The following NBEAL2 variants were observed in gnomAD, a reference collection of about 807,000 sequenced individuals.
The protein encoded by NBEAL2 is neurobeachin like 2, also known as neurobeachin-like protein 2.
NBEAL2 carries 160 observed loss-of-function variants against 299.8 expected under a neutral mutation model. The ratio of observed to expected loss-of-function variants is 0.53; its 90% CI spans 0.47 to 0.61. The LOEUF (loss-of-function observed/expected upper bound fraction) is 0.61. Ranked by LOEUF, NBEAL2 falls within the 20% of genes least tolerant of loss-of-function variation. NBEAL2 has a pLI of 0.00. For synonymous variants in NBEAL2, 1,493 were observed against 1,542.3 expected (o/e 0.97, Z 0.75); for missense variants, 3,112 against 3,649.0 (o/e 0.85, Z 3.79).
rs539834326 is a variant in NBEAL2 at position 46,996,894 on chromosome 3, T to A, written c.2557-60T>A. On this transcript the variant is annotated intron_variant, in intron 17 of 53. Transcript: ENST00000450053. ...TGTGCTACTTCCCCGGCTCCCACAC[T>A]CTGCCTGCCACCCCCTCCTCCCTCT... 1.9e-6 allele frequency: 3 copies of A among 1,608,896 alleles called. No homozygotes were observed. In the South Asian group the frequency reaches 3.3e-5, roughly 18 times the overall value.
At position 46,996,552 on chromosome 3, in the gene NBEAL2, A is replaced by G. The variant is rs1264373268; in HGVS notation, c.2433A>G (p.Glu811=). 2.7e-5 allele frequency: 41 copies of G among 1,542,550 alleles called. No individual in the cohort carries two copies. The highest frequency in any genetic ancestry group is 3.6e-5 in the Non-Finnish European group (41 of 1,142,036). The change falls in exon 16 of 54, where the codon GAA becomes GAG. Residue 811 remains glutamate, a synonymous_variant. Transcript: ENST00000450053. ...GELGAVAIFH[E]ALQATALRTL... is the part of the protein sequence containing the mutation. The stretch of plus-strand genomic sequence containing the variant: ...TGGGGGCTGTGGCCATCTTTCACGA[A>G]GCCCTGCAGGCGACGGCTCTGAGGA...
At position 47,001,837 on chromosome 3, in the gene NBEAL2, G is replaced by A; in HGVS notation, c.4782+11G>A. On this transcript the variant is annotated intron_variant, in intron 30 of 53. Transcript: ENST00000450053. The surrounding 1 kb of genome is among the most constrained non-coding windows in gnomAD (Gnocchi z 6.1). ...CTGGAAGACCCACAGGTGAGCACAG[G>A]GTGAGCATGGGGGCAGGGGGCGTGT... 1 of 1,613,294 alleles carries A rather than the reference G, an allele frequency of 6.2e-7. No individual in the cohort carries two copies. The highest frequency in any genetic ancestry group is 8.5e-7 in the Non-Finnish European group (1 of 1,179,622).
intron 1 of NBEAL2, among the ~76,000 whole-genome samples, chr3:46,985,639 C>T (rs970665116): frequency 2.8e-4 from 43 of 152,270 alleles, no homozygotes; most frequent in African/African-American, 8.9e-4. Flanking sequence ...CCAGGGACAC[C>T]GGCCTTCCAC....
chr3:46,987,599 G>A (rs978266636), intron 1 of NBEAL2, among the ~76,000 whole-genome samples: 12 of 152,184 alleles, frequency 7.9e-5, no homozygotes, highest in African/African-American at 2.2e-4. Context: ...GCGGCGGGGC[G>A]GGACAAAGGT....
rs762542045 is a variant in NBEAL2 at position 46,998,115 on chromosome 3, C to T, written c.3007C>T (p.Leu1003=). 3.2e-6 allele frequency: 5 copies of T among 1,586,706 alleles called. No individual in the cohort carries two copies. The highest frequency in any genetic ancestry group is 4.3e-6 in the Non-Finnish European group (5 of 1,166,444). The change falls in exon 21 of 54, where the codon CTG becomes TTG. Residue 1003 remains leucine (L), a synonymous_variant. Coordinates refer to ENST00000450053, the MANE Select transcript of NBEAL2 (RefSeq NM_015175.3). ...GAACGTGCTCATGTCCGCCCAGCTGCTGATGGAGCAGGTGGCAGCTGAGGG... is the reference window on the plus strand; with the variant it reads ...GAACGTGCTCATGTCCGCCCAGCTGTTGATGGAGCAGGTGGCAGCTGAGGG... The part of the protein sequence containing the change: ...DMNVLMSAQL[L]MEQVAAEGSG...
intron 43 of NBEAL2, 40 bp downstream of exon 43, chr3:47,006,103 A>G (rs374780437): frequency 6.2e-7 from 1 of 1,612,802 alleles, no homozygotes; most frequent in Admixed American, 1.7e-5. Flanking sequence ...CCAGGACAAG[A>G]TCAGGTCGGG....
rs979632620 is a variant in NBEAL2, at chr3:47,000,829, C to T, written c.4306-172C>T. On this transcript the variant is annotated intron_variant, in intron 27 of 53. Coordinates refer to ENST00000450053, the MANE Select transcript of NBEAL2 (RefSeq NM_015175.3). This position sits in a 1 kb window ranked among gnomAD's most constrained non-coding sequence, Gnocchi z 4.5. ...CCTGGAACTCAGGTAGTAGTTGAGA[C>T]CCCTATACCATTCTTCCAGGCCCTT... The T allele has an allele frequency of 2.1e-5, 20 of 973,372 alleles. No homozygotes were observed. The South Asian group carries it at 3.3e-4, about 16-fold the overall frequency. The allele number at this position is 973,372 out of a possible 1,614,324, so 60.3% of individuals were successfully genotyped here. A position where few individuals can be genotyped will look rare whatever the true frequency, so the allele number is the denominator to read the frequency against.
intron 20 of NBEAL2, 84 bp from the exon 21 acceptor site, chr3:46,997,983 G>A: frequency 2.1e-6 from 3 of 1,451,120 alleles, no homozygotes; most frequent in South Asian, 2.7e-5. Context: ...CGTCATGGCT[G>A]TGCAGGGAAG....
intron 16 of NBEAL2, 56 bp downstream of exon 16, chr3:46,996,648 G>T: frequency 6.6e-7 from 1 of 1,523,590 alleles, no homozygotes; most frequent in Non-Finnish European, 8.8e-7. Flanking sequence ...AGGGGTCCGG[G>T]GGGAGAAGGC....
rs750217586 is a variant in NBEAL2 at position 47,005,189 on chromosome 3, G to A, written c.6428G>A (p.Ser2143Asn). The A allele has an allele frequency of 3.1e-6, 5 of 1,613,836 alleles. No individual in the cohort carries two copies. The highest frequency in any genetic ancestry group is 1.7e-5 in the Admixed American group (1 of 60,034). Residue 2143 changes from serine (S) to asparagine (N), a missense_variant, in exon 40 of 54, where the codon AGC becomes AAC. Transcript: ENST00000450053. The stretch of plus-strand genomic sequence containing the variant: ...TCCAACTGTGGCCCCAGGTATGAAA[G>A]CTTTGAGGACCCAGCAGGGACCATT... Reference protein sequence around the residue: ...HAQLVREKYESFEDPAGTIDK... With the variant: ...HAQLVREKYENFEDPAGTIDK...
chr3:47,008,847 T>C (rs1006866169), intron 52 of NBEAL2, 142 bp from the exon 53 acceptor site: 11 of 1,445,950 alleles, frequency 7.6e-6, no homozygotes, highest in Non-Finnish European at 1.0e-5. Flanking sequence ...GCCACAGTTG[T>C]GGGAGATTTC....
At position 47,006,403 on chromosome 3, in the gene NBEAL2, C is replaced by T. The variant is rs920797999; in HGVS notation, c.7088C>T (p.Pro2363Leu). Residue 2363 changes from proline (P) to leucine (L), a missense_variant, in exon 45 of 54, where the codon CCT becomes CTT. Physicochemically the swap from Pro to Leu is moderately conservative, Grantham distance 98. Around this residue, in one of 3 missense-constraint regions of NBEAL2, gnomAD observed 521 missense variants for 729.6 expected, o/e 0.71. Transcript: ENST00000450053. ...HRLARLDTNS[P>L]SIFQHLDELK... ...CTTGCACGCCTGGACACTAACTCAC[C>T]TAGCATCTTCCAGCACCTGGACGAA... 2.5e-6 allele frequency: 4 copies of T among 1,594,752 alleles called. No homozygotes were observed. In the African/African-American group the frequency reaches 5.4e-5, roughly 21 times the overall value.
Position 46,999,641 on chromosome 3 carries a change from C to T in NBEAL2, c.3715C>T (p.Leu1239Phe). The change falls in exon 26 of 54, where the codon CTC (leucine) becomes TTC (phenylalanine). Residue 1239 changes from leucine (L) to phenylalanine (F), a missense_variant. Transcript: ENST00000450053. Reference protein sequence around the residue: ...KLFLGADCLNLSDLLAVVQLS... With the variant: ...KLFLGADCLNFSDLLAVVQLS... Reference sequence around the variant, plus strand: ...ACCCATCCCCCCAGATTGCCTGAACCTCTCAGATCTGCTGGCTGTGGTACA... The same window carrying T: ...ACCCATCCCCCCAGATTGCCTGAACTTCTCAGATCTGCTGGCTGTGGTACA... The T allele has an allele frequency of 1.9e-6, 3 of 1,611,972 alleles. No homozygotes were observed. The highest frequency in any genetic ancestry group is 2.2e-5 in the South Asian group (2 of 91,032).
chr3:47,001,827 G>A lies in NBEAL2; in HGVS notation c.4782+1G>A. ...CTACATCCTGCTGGAAGACCCACAG[G>A]TGAGCACAGGGTGAGCATGGGGGCA... On this transcript the variant is annotated splice_donor_variant, in intron 30 of 53. Coordinates refer to ENST00000450053, the MANE Select transcript of NBEAL2 (RefSeq NM_015175.3). LOFTEE classifies it high-confidence loss of function. This position sits in a 1 kb window ranked among gnomAD's most constrained non-coding sequence, Gnocchi z 6.1. 5 of 1,613,660 alleles carry A rather than the reference G, an allele frequency of 3.1e-6. No homozygotes were observed. Among genetic ancestry groups the A allele is most frequent in the Non-Finnish European group, 4.2e-6 (5 of 1,179,840 alleles).
In NBEAL2 at chr3:47,003,980, C is replaced by T. The variant is rs778847102; in HGVS notation, c.5881+4C>T. ...GAGCGCGTGGAAACCGAGGAGGGTG[C>T]GTCCTGGTGGTGTGGTTTAGGAGGA... On this transcript the variant is annotated splice_donor_region_variant and intron_variant, in intron 36 of 53. Transcript: ENST00000450053. The surrounding 1 kb of genome is among the most constrained non-coding windows in gnomAD (Gnocchi z 7.0). The T allele has an allele frequency of 6.8e-6, 11 of 1,612,358 alleles. No individual in the cohort carries two copies. Among genetic ancestry groups the T allele is most frequent in the Admixed American group, 3.3e-5 (2 of 59,940 alleles).
intron 10 of NBEAL2, among the ~76,000 whole-genome samples, chr3:46,993,670 G>A (rs2036268268): frequency 6.6e-6 from 1 of 152,150 alleles, no homozygotes; most frequent in Non-Finnish European, 1.5e-5. Flanking sequence ...TGCAGTCAGA[G>A]TGTCCACCAT....
chr3:47,008,091 G>C lies in NBEAL2; in HGVS notation c.7624G>C (p.Ala2542Pro). 1 of 1,613,988 alleles carries C rather than the reference G, an allele frequency of 6.2e-7. No homozygotes were observed. The highest frequency in any genetic ancestry group is 8.5e-7 in the Non-Finnish European group (1 of 1,179,878). ...ACAGGGTGGTCTGTCAGTAGGCCTG[G>C]CACCAAAGCCTGTGCAGGTCCTGTA... ...LHQGGLSVGL[A>P]PKPVQVLYGH... The change falls in exon 50 of 54, where the codon GCA becomes CCA. Residue 2542 changes from alanine to proline, a missense_variant. Around this residue, in one of 3 missense-constraint regions of NBEAL2, gnomAD observed 348 missense variants for 381.4 expected, o/e 0.91. Coordinates refer to ENST00000450053, the MANE Select transcript of NBEAL2 (RefSeq NM_015175.3).
intron 25 of NBEAL2, 61 bp downstream of exon 25, chr3:46,999,535 C>A: frequency 6.3e-7 from 1 of 1,586,050 alleles, no homozygotes; most frequent in South Asian, 1.1e-5. Flanking sequence ...GGCAGGCAGG[C>A]CGGAAGAAGG....
At position 46,999,472 on chromosome 3, in the gene NBEAL2, C is replaced by A. The variant is rs748506788; in HGVS notation, c.3701C>A (p.Ala1234Glu). Residue 1234 changes from alanine to glutamate, a missense_variant and splice_region_variant, in exon 25 of 54, where the codon GCA becomes GAA. By Grantham distance (107) the Ala-to-Glu change is moderately radical (BLOSUM62 -1). Around this residue, in one of 3 missense-constraint regions of NBEAL2, gnomAD observed 2,243 missense variants for 2,538.1 expected, o/e 0.88. Transcript: ENST00000450053. ...GGCCTCTACAAGCTGTTCCTGGGGGCAGGTACAACCTGGTTAAGGCCAAGT... is the reference window on the plus strand; with the variant it reads ...GGCCTCTACAAGCTGTTCCTGGGGGAAGGTACAACCTGGTTAAGGCCAAGT... ...CQGLYKLFLG[A>E]DCLNLSDLLA... 5 of 1,579,530 alleles carry A rather than the reference C, an allele frequency of 3.2e-6. No individual in the cohort carries two copies. The Admixed American group carries it at 9.1e-5, about 29-fold the overall frequency.
Sources: gnomAD v4.1 joint callset for allele counts (sites outside exome capture counted in the v4.1 genomes callset) on GRCh38, gnomAD v4.1.1 for gene constraint, gnomAD v4.1.1 regional missense constraint, Gnocchi (gnomAD v3.1) non-coding constraint, MANE v1.5 for transcripts, NCBI Gene and HGNC (gene_info 2026-07-23, HGNC 2026-07-21) for gene names.